OTUD7B: variants seen among roughly 807,000 people sequenced by gnomAD.
OTUD7B encodes OTU deubiquitinase 7B, also known as OTU domain-containing protein 7B.
Under a neutral mutation model 82.2 loss-of-function variants are expected in OTUD7B, and 34 were observed. That is an observed-to-expected ratio of 0.41 (90% CI 0.31 to 0.55). OTUD7B has a LOEUF of 0.55. Among genes scored for constraint, OTUD7B ranks in the 20% least tolerant of loss-of-function variants. OTUD7B has a pLI of 0.20. For missense variants in OTUD7B, 944 were observed against 1,062.1 expected (o/e 0.89, Z 1.55); for synonymous variants, 398 against 402.7 (o/e 0.99, Z 0.14).
chr1:149,977,233 A>C (rs1650385843), intron 2 of OTUD7B, among the ~76,000 whole-genome samples, 193 bp downstream of exon 2: 1 of 152,248 alleles, frequency 6.6e-6, no homozygotes, highest in Admixed American at 6.5e-5. Context: ...CTACCCCAGT[A>C]AGTTCAAGGT....
intron 7 of OTUD7B, among the ~76,000 whole-genome samples, chr1:149,955,407 C>T (rs587770093): frequency 2.6e-5 from 4 of 152,326 alleles, no homozygotes; most frequent in African/African-American, 9.6e-5. Context: ...GTCTGACAGA[C>T]AGTTTGTTAT....
chr1:150,016,914 A>G, the OTUD7B span, among the ~76,000 whole-genome samples: 2 of 152,054 alleles, frequency 1.3e-5, no homozygotes, highest in Non-Finnish European at 2.9e-5. Flanking sequence ...TTACCACCCA[A>G]CTGTCTCCCC....
rs1166098299 is a variant in OTUD7B, at chr1:149,992,467, G to GTTTTTTTT, written c.-66-14899_-66-14892dup. On this transcript the variant is annotated intron_variant, in intron 1 of 11. Transcript: ENST00000581312. ...TATCTAAATTGTTTTGTGTGCATGT[G>GTTTTTTTT]TTTTTTTTTTTTTTTTTTTTTTTTT... 1.7e-3 allele frequency among the ~76,000 whole-genome samples: 105 copies of GTTTTTTTT among 61,568 alleles called. 31 individuals carry two copies. The highest frequency in any genetic ancestry group is 2.2e-3 in the Non-Finnish European group (78 of 35,892). The allele number at this position is 61,568 out of a possible 152,430, so 40.4% of individuals were successfully genotyped here.
At chr1:150,057,272 G>T in the OTUD7B span, among the ~76,000 whole-genome samples, 2 of 152,062 alleles carry the variant, frequency 1.3e-5, no homozygotes, top group African/African-American at 4.8e-5. Context: ...TCCCAGTTTT[G>T]GTCTTTGTAC....
chr1:149,971,080 T>C lies in OTUD7B; in HGVS notation c.257A>G (p.Gln86Arg), dbSNP rs1649889842. Residue 86 changes from glutamine to arginine, a missense_variant, in exon 3 of 12, where the codon CAG becomes CGG. Physicochemically the swap from Gln to Arg is conservative, Grantham distance 43 (BLOSUM62 1). This residue lies in a region of OTUD7B where 530 missense variants were observed against 625.6 expected (regional missense o/e 0.85). Coordinates refer to ENST00000581312, the MANE Select transcript of OTUD7B (RefSeq NM_020205.4). ...TRPPRPILQR[Q>R]DDIVQEKRLS... Reference sequence around the variant, plus strand: ...CCCAGTACCTTGAACGATGTCATCCTGCCGCTGGAGGATGGGTCGGGGAGG... The same window carrying C: ...CCCAGTACCTTGAACGATGTCATCCCGCCGCTGGAGGATGGGTCGGGGAGG... 6 of 1,608,154 alleles carry C rather than the reference T, an allele frequency of 3.7e-6. No homozygotes were observed. Among genetic ancestry groups the C allele is most frequent in the South Asian group, 1.1e-5 (1 of 90,578 alleles).
At chr1:149,967,584 T>C (rs1649604971) in intron 3 of OTUD7B, 63 bp from the exon 4 acceptor site, 4 of 1,263,390 alleles carry the variant, frequency 3.2e-6, no homozygotes, top group Admixed American at 4.7e-5. Flanking sequence ...TCTACACTGA[T>C]GTGGTGATAG....
intron 1 of OTUD7B, 112 bp from the exon 2 acceptor site, chr1:149,977,688 C>T (rs1184663250): frequency 1.6e-5 from 9 of 545,506 alleles, no homozygotes; most frequent in Non-Finnish European, 3.0e-5. Flanking sequence ...TCATTCATTT[C>T]AGTTGAATTT....
chr1:149,986,781 C>T (rs1553780923), intron 1 of OTUD7B, among the ~76,000 whole-genome samples: 9 of 152,228 alleles, frequency 5.9e-5, no homozygotes. Context: ...AGAACTTTCA[C>T]ATAATTCTTG....
chr1:149,970,618 C>G (rs1553777420), intron 3 of OTUD7B, among the ~76,000 whole-genome samples: 2 of 152,028 alleles, frequency 1.3e-5, no homozygotes, highest in Non-Finnish European at 2.9e-5. Flanking sequence ...TGCACCTGGC[C>G]TTATGTATTT....
the OTUD7B span, among the ~76,000 whole-genome samples, chr1:150,057,199 A>C: frequency 6.6e-6 from 1 of 152,328 alleles, no homozygotes; most frequent in Admixed American, 6.5e-5. Flanking sequence ...ATATTCTACG[A>C]AACAACTGAC....
chr1:149,958,787 C>T (rs1332291809), intron 7 of OTUD7B, among the ~76,000 whole-genome samples: 3 of 151,704 alleles, frequency 2.0e-5, no homozygotes, highest in African/African-American at 7.3e-5. Flanking sequence ...CTTTGTCACC[C>T]AGGCTGGAGT....
In OTUD7B at chr1:149,971,254, G is replaced by A; in HGVS notation, c.86-3C>T. On this transcript the variant is annotated splice_polypyrimidine_tract_variant and splice_region_variant and intron_variant, in intron 2 of 11. Coordinates refer to ENST00000581312, the MANE Select transcript of OTUD7B (RefSeq NM_020205.4). ...GGCATTCACATCCCAATTCTTTCCT[G>A]TCAGGAGACAAAGCAAAAAGCAAAC... 6.3e-7 allele frequency: 1 copy of A among 1,598,244 alleles called. No homozygotes were observed. Among genetic ancestry groups the A allele is most frequent in the Non-Finnish European group, 8.6e-7 (1 of 1,167,522 alleles).
chr1:149,979,433 C>A (rs1264429137), intron 1 of OTUD7B, among the ~76,000 whole-genome samples: 1 of 152,126 alleles, frequency 6.6e-6, no homozygotes, highest in Non-Finnish European at 1.5e-5. Context: ...TACAGGGTTT[C>A]AGTTGTCTCT....
the OTUD7B span, among the ~76,000 whole-genome samples, chr1:150,044,284 T>G: frequency 1.3e-5 from 2 of 151,526 alleles, no homozygotes; most frequent in African/African-American, 4.8e-5. Context: ...CTTGGCTCAC[T>G]GCAACCTTCG....
In OTUD7B at chr1:149,973,408, A is replaced by G. The variant is rs587726727; in HGVS notation, c.86-2157T>C. ...AACTGCACTCCTGCCTGGGTGACAG[A>G]GTGAGACCCCATCTCATACAAAACA... On this transcript the variant is annotated intron_variant, in intron 2 of 11. Coordinates refer to ENST00000581312, the MANE Select transcript of OTUD7B (RefSeq NM_020205.4). Among the ~76,000 whole-genome samples the G allele has an allele frequency of 3.3e-5, 5 of 152,326 alleles. No homozygotes were observed. In the South Asian group the frequency reaches 1.0e-3, roughly 32 times the overall value.
Position 149,997,462 on chromosome 1 carries a change from A to G in OTUD7B, c.-67+12986T>C, listed in dbSNP as rs372068493. 4.6e-5 allele frequency among the ~76,000 whole-genome samples: 7 copies of G among 152,032 alleles called. No individual in the cohort carries two copies. In the South Asian group the frequency reaches 1.2e-3, roughly 27 times the overall value. ...GGTCTAAAGCTCTCTTCCTTTTACTAAAAAAAAGACTAATGGGCCTTTGAG... is the reference window on the plus strand; with the variant it reads ...GGTCTAAAGCTCTCTTCCTTTTACTGAAAAAAAGACTAATGGGCCTTTGAG... On this transcript the variant is annotated intron_variant, in intron 1 of 11. Transcript: ENST00000581312.
chr1:149,990,461 A>C (rs1353380623), intron 1 of OTUD7B, among the ~76,000 whole-genome samples: 2 of 152,226 alleles, frequency 1.3e-5, no homozygotes, highest in Non-Finnish European at 2.9e-5. Context: ...CACCTAAAAT[A>C]GGCTTGTGAG....
chr1:150,019,601 G>A, the OTUD7B span, among the ~76,000 whole-genome samples: 1 of 152,094 alleles, frequency 6.6e-6, no homozygotes, highest in Non-Finnish European at 1.5e-5. Context: ...TCCTGAACTC[G>A]GTGATCCACC....
rs2101714262 is a variant in OTUD7B, at chr1:149,944,306, C to T, written c.2083G>A (p.Asp695Asn). The change falls in exon 12 of 12, where the codon GAC (aspartate) becomes AAC (asparagine). Residue 695 changes from aspartate (D) to asparagine (N), a missense_variant. Asp to Asn is a conservative substitution (Grantham distance 23, BLOSUM62 1). Coordinates refer to ENST00000581312, the MANE Select transcript of OTUD7B (RefSeq NM_020205.4). ...AMAFSTGYPG[D>N]FTIPRPSGGG... ...CCAGACGGCCGAGGGATAGTAAAGT[C>T]CCCAGGGTAGCCAGTGGAAAATGCC... is the stretch of plus-strand genomic sequence containing the variant. 2.5e-6 allele frequency: 4 copies of T among 1,610,770 alleles called. No individual in the cohort carries two copies. The highest frequency in any genetic ancestry group is 3.4e-6 in the Non-Finnish European group (4 of 1,177,982).
Sources: gnomAD v4.1 joint callset for allele counts (sites outside exome capture counted in the v4.1 genomes callset) on GRCh38, gnomAD v4.1.1 for gene constraint, gnomAD v4.1.1 regional missense constraint, MANE v1.5 for transcripts, NCBI Gene and HGNC (gene_info 2026-07-23, HGNC 2026-07-21) for gene names.